PPP1R1C: variants seen among roughly 807,000 people sequenced by gnomAD.
PPP1R1C encodes protein phosphatase 1 regulatory subunit 1C.
A neutral mutation model predicts 17.4 loss-of-function variants in PPP1R1C; 15 were observed. The ratio of observed to expected loss-of-function variants is 0.86; its 90% confidence interval spans 0.58 to 1.33. The LOEUF is 1.33. Ranked by LOEUF, PPP1R1C falls within the 40% of genes most tolerant of loss-of-function variation. The pLI is 0.00. For missense variants in PPP1R1C, 143 were observed against 130.0 expected, an observed-to-expected ratio of 1.10 and a Z score of -0.48; for synonymous variants, 35 against 43.1, an observed-to-expected ratio of 0.81 and a Z score of 0.73.
At chr2:181,979,317 T>C (rs555896981) in intron 2 of PPP1R1C, among the ~76,000 whole-genome samples, 1 of 152,360 alleles carries the variant, frequency 6.6e-6, no homozygotes, top group South Asian at 2.1e-4. Flanking sequence ...GTTATTATCA[T>C]CCAATTTCAT....
At chr2:182,004,998 T>A (rs946352049) in intron 2 of PPP1R1C, among the ~76,000 whole-genome samples, 4 of 152,190 alleles carry the variant, frequency 2.6e-5, no homozygotes, top group African/African-American at 9.7e-5. Context: ...AAAATAGCCC[T>A]CATTCTAATC....
intron 2 of PPP1R1C, among the ~76,000 whole-genome samples, chr2:182,009,480 T>C (rs1158488003): frequency 6.6e-6 from 1 of 152,166 alleles, no homozygotes; most frequent in Non-Finnish European, 1.5e-5. Context: ...ATTATTATGG[T>C]GTTTGCCTAT....
At chr2:181,977,244 A>ATAATTTT (rs1574347842) in intron 2 of PPP1R1C, among the ~76,000 whole-genome samples, 2 of 145,864 alleles carry the variant, frequency 1.4e-5, no homozygotes, top group East Asian at 2.2e-4. Context: ...AATTCAGTGG[A>ATAATTTT]TAATTTTTAG....
At chr2:181,960,881 C>T (rs1350283515) in intron 1 of PPP1R1C, among the ~76,000 whole-genome samples, 1 of 152,166 alleles carries the variant, frequency 6.6e-6, no homozygotes, top group Non-Finnish European at 1.5e-5. Flanking sequence ...CCTTCTGTGC[C>T]CGTATGAATT....
chr2:182,065,036 G>C (rs1233978375), intron 4 of PPP1R1C, among the ~76,000 whole-genome samples: 1 of 151,992 alleles, frequency 6.6e-6, no homozygotes, highest in Non-Finnish European at 1.5e-5. Context: ...AAAGTCTCAA[G>C]GGCCGATGAT....
intron 1 of PPP1R1C, among the ~76,000 whole-genome samples, chr2:181,972,509 A>G (rs951298869): frequency 6.6e-6 from 1 of 152,138 alleles, no homozygotes; most frequent in Non-Finnish European, 1.5e-5. Context: ...AAAAAAACAC[A>G]ATACATCAAC....
chr2:182,037,826 A>G (rs1406893593), intron 2 of PPP1R1C, among the ~76,000 whole-genome samples: 1 of 152,176 alleles, frequency 6.6e-6, no homozygotes, highest in Non-Finnish European at 1.5e-5. Flanking sequence ...AAACAAGAGT[A>G]GGCTCATTAA....
rs1009842311 is a variant in PPP1R1C at position 181,976,564 on chromosome 2, A to C, written n.157+1300A>C. ...GCCTACTGTTCAGGAATCCTGAGTA[A>C]TTCTCCTCACCTTAATATAAATTTT... On this transcript the variant is annotated intron_variant and non_coding_transcript_variant, in intron 2 of 5. Coordinates refer to the PPP1R1C transcript ENST00000464264. This position sits in a 1 kb window ranked among gnomAD's most constrained non-coding sequence, Gnocchi z 4.8. 6.6e-5 allele frequency among the ~76,000 whole-genome samples: 10 copies of C among 152,134 alleles called. No homozygotes were observed. Among genetic ancestry groups the C allele is most frequent in the African/African-American group, 2.4e-4 (10 of 41,428 alleles).
intron 4 of PPP1R1C, among the ~76,000 whole-genome samples, chr2:182,092,687 G>T (rs1301588620): frequency 6.6e-6 from 1 of 152,140 alleles, no homozygotes; most frequent in Non-Finnish European, 1.5e-5. Context: ...CAAAACAAAG[G>T]TGCTACAGGC....
intron 4 of PPP1R1C, among the ~76,000 whole-genome samples, chr2:182,074,041 C>CTTT (rs554848749): frequency 2.3e-4 from 30 of 131,142 alleles, no homozygotes; most frequent in East Asian, 6.6e-4. Flanking sequence ...AATTCTTCTT[C>CTTT]TTTTTTTTTT....
At chr2:182,069,179 C>T (rs1237797374) in intron 4 of PPP1R1C, among the ~76,000 whole-genome samples, 1 of 151,882 alleles carries the variant, frequency 6.6e-6, no homozygotes, top group East Asian at 1.9e-4. Flanking sequence ...AGTTTGTTTA[C>T]TGTGTAGGGT....
At chr2:182,103,366 A>C (rs1437515898) in intron 4 of PPP1R1C, among the ~76,000 whole-genome samples, 7 of 152,230 alleles carry the variant, frequency 4.6e-5, no homozygotes, top group Admixed American at 4.6e-4. Context: ...TGAGCAATAC[A>C]TTGCTCCTTT....
chr2:182,003,230 A>G (rs976209121), intron 2 of PPP1R1C, among the ~76,000 whole-genome samples: 1 of 152,150 alleles, frequency 6.6e-6, no homozygotes, highest in Non-Finnish European at 1.5e-5. Context: ...GTAGTCTTGT[A>G]TTTCACTACC....
chr2:182,073,219 A>G (rs1327014225), intron 4 of PPP1R1C, among the ~76,000 whole-genome samples: 1 of 152,028 alleles, frequency 6.6e-6, no homozygotes, highest in African/African-American at 2.4e-5. Flanking sequence ...TATATATGTG[A>G]TATCTGTAAT....
chr2:182,045,319 T>C (rs542655058), intron 2 of PPP1R1C, among the ~76,000 whole-genome samples: 121 of 152,326 alleles, frequency 7.9e-4, no homozygotes, highest in African/African-American at 2.8e-3. Flanking sequence ...AAGTGAATGT[T>C]TATTTCAGAT....
rs1030992681 is a variant in PPP1R1C, at chr2:182,126,831, A to G, written c.*7-2143A>G. Among the ~76,000 whole-genome samples, 13 of 152,052 alleles carry G rather than the reference A, an allele frequency of 8.5e-5. 1 individual carries two copies. In the South Asian group the frequency reaches 1.2e-3, roughly 15 times the overall value. ...CTTGGTGTATAGAGGGAAGATGAAC[A>G]AGAGACTGGATTAGAGAGAAAAGTA... On this transcript the variant is annotated intron_variant, in intron 5 of 5. Transcript: ENST00000280295.
intron 2 of PPP1R1C, among the ~76,000 whole-genome samples, chr2:182,032,863 A>G (rs904630679): frequency 6.6e-6 from 1 of 152,214 alleles, no homozygotes; most frequent in Non-Finnish European, 1.5e-5. Context: ...CAATATATTC[A>G]AGCCTCTTAT....
chr2:182,082,587 G>A (rs557114858), intron 4 of PPP1R1C, among the ~76,000 whole-genome samples: 5 of 152,066 alleles, frequency 3.3e-5, no homozygotes, highest in East Asian at 3.9e-4. Flanking sequence ...CCCTGCCTTC[G>A]CTGGCTCTGC....
At chr2:182,105,884 C>T (rs772060807) in intron 4 of PPP1R1C, among the ~76,000 whole-genome samples, 5 of 152,150 alleles carry the variant, frequency 3.3e-5, no homozygotes, top group Non-Finnish European at 7.4e-5. Flanking sequence ...CCATAACAAC[C>T]ACAACTGGGT....
Sources: gnomAD v4.1 joint callset for allele counts (sites outside exome capture counted in the v4.1 genomes callset) on GRCh38, gnomAD v4.1.1 for gene constraint, Gnocchi (gnomAD v3.1) non-coding constraint, MANE v1.5 for transcripts, NCBI Gene and HGNC (gene_info 2026-07-23, HGNC 2026-07-21) for gene names.